Variants in TMEM233 observed in about 807,000 individuals in gnomAD.
TMEM233 encodes the protein dispanin subfamily B member 2.
In TMEM233, 6 loss-of-function variants were observed where a neutral mutation model predicts 11.2. That is an observed-to-expected ratio of 0.54 (90% CI 0.29 to 1.06). The LOEUF (loss-of-function observed/expected upper bound fraction) is 1.06, where lower values mean the gene tolerates loss of function less well. TMEM233 is among the 50% of genes least tolerant of loss of function. TMEM233 has a pLI of 0.08. For synonymous variants in TMEM233, 59 were observed against 55.8 expected, an observed-to-expected ratio of 1.06 and a Z score of -0.26; for missense variants, 127 against 144.7, an observed-to-expected ratio of 0.88 and a Z score of 0.63.
chr12:119,601,693 T>C (rs1368409401), intron 1 of TMEM233, among the ~76,000 whole-genome samples: 3 of 151,506 alleles, frequency 2.0e-5, no homozygotes, highest in Non-Finnish European at 2.9e-5. Flanking sequence ...AAAAGATGAC[T>C]TCAAAAATCC....
chr12:119,635,620 C>T (rs1169775576), intron 2 of TMEM233, among the ~76,000 whole-genome samples: 2 of 152,194 alleles, frequency 1.3e-5, no homozygotes, highest in Admixed American at 1.3e-4. Context: ...ATGACACCAT[C>T]TACTGGGAGT....
At chr12:119,627,081 A>C (rs1299397750) in intron 1 of TMEM233, among the ~76,000 whole-genome samples, 4 of 152,220 alleles carry the variant, frequency 2.6e-5, no homozygotes, top group Non-Finnish European at 4.4e-5. Flanking sequence ...CAAGCTTCAG[A>C]GTAGCTGCTA....
chr12:119,623,316 CTG>C (rs1280413547), intron 1 of TMEM233, among the ~76,000 whole-genome samples: 1 of 152,160 alleles, frequency 6.6e-6, no homozygotes, highest in Non-Finnish European at 1.5e-5. Flanking sequence ...CATCTCAGAA[CTG>C]TGTTTTCCAA....
intron 1 of TMEM233, among the ~76,000 whole-genome samples, chr12:119,615,263 A>T (rs1238403629): frequency 2.1e-5 from 3 of 142,980 alleles, no homozygotes; most frequent in African/African-American, 7.8e-5. Context: ...CATCTTATTT[A>T]TTTGCATGTT....
intron 1 of TMEM233, among the ~76,000 whole-genome samples, chr12:119,603,520 T>A (rs1954208641): frequency 6.6e-6 from 1 of 152,222 alleles, no homozygotes; most frequent in Non-Finnish European, 1.5e-5. Flanking sequence ...CAGGTAGGAC[T>A]CACATCCTAG....
intron 2 of TMEM233, among the ~76,000 whole-genome samples, chr12:119,633,401 C>A (rs538626883): frequency 1.2e-4 from 18 of 151,912 alleles, no homozygotes; most frequent in Non-Finnish European, 2.2e-4. Flanking sequence ...GGCAACATAG[C>A]TAGACCCCAT....
the TMEM233 span, among the ~76,000 whole-genome samples, chr12:119,650,339 G>T: frequency 1.3e-5 from 2 of 152,150 alleles, no homozygotes; most frequent in African/African-American, 4.8e-5. Context: ...TAAATAATTT[G>T]TCTGAGGCAC....
chr12:119,649,425 G>A, the TMEM233 span, among the ~76,000 whole-genome samples: 2 of 152,262 alleles, frequency 1.3e-5, no homozygotes, highest in South Asian at 2.1e-4. Flanking sequence ...AATGGAGAAA[G>A]ACAATTTAGA....
intron 1 of TMEM233, among the ~76,000 whole-genome samples, chr12:119,624,487 T>A (rs1345459175): frequency 6.6e-6 from 1 of 152,136 alleles, no homozygotes; most frequent in East Asian, 1.9e-4. Context: ...TACAATGGAG[T>A]ATTGTTCATC....
At chr12:119,613,720 C>G (rs1954460517) in intron 1 of TMEM233, among the ~76,000 whole-genome samples, 1 of 152,120 alleles carries the variant, frequency 6.6e-6, no homozygotes, top group African/African-American at 2.4e-5. Flanking sequence ...GAGGCTGAGG[C>G]TGGAGAATTG....
At chr12:119,620,913 C>T (rs1954627839) in intron 1 of TMEM233, among the ~76,000 whole-genome samples, 1 of 152,212 alleles carries the variant, frequency 6.6e-6, no homozygotes, top group African/African-American at 2.4e-5. Context: ...CAGGGTCTTG[C>T]TCTGTCACCC....
intron 1 of TMEM233, among the ~76,000 whole-genome samples, chr12:119,621,044 CTTTTT>C (rs3078447): frequency 8.3e-6 from 1 of 120,468 alleles, no homozygotes; most frequent in Non-Finnish European, 1.7e-5. Context: ...CCATACCTGG[CTTTTT>C]TTTTTTTTTT....
At chr12:119,631,980 A>G (rs1954895596) in intron 2 of TMEM233, among the ~76,000 whole-genome samples, 1 of 152,246 alleles carries the variant, frequency 6.6e-6, no homozygotes, top group South Asian at 2.1e-4. Context: ...TCAAGATGCC[A>G]TTAAATAGAA....
At chr12:119,652,631 G>C in the TMEM233 span, among the ~76,000 whole-genome samples, 7 of 152,122 alleles carry the variant, frequency 4.6e-5, no homozygotes, top group African/African-American at 7.2e-5. Context: ...AATTTGATGA[G>C]AGAAATCCCA....
At chr12:119,612,004 T>C (rs1051097404) in intron 1 of TMEM233, among the ~76,000 whole-genome samples, 2 of 151,992 alleles carry the variant, frequency 1.3e-5, no homozygotes, top group African/African-American at 4.8e-5. Context: ...ATTCTTTTTT[T>C]TTTTTCTGAG....
chr12:119,646,758 C>T (rs1318702646), downstream of TMEM233, among the ~76,000 whole-genome samples: 1 of 152,218 alleles, frequency 6.6e-6, no homozygotes, highest in Non-Finnish European at 1.5e-5. Flanking sequence ...TACTTTGGGT[C>T]CACCTGGATG....
chr12:119,645,789 G>C (rs1252676394), downstream of TMEM233, among the ~76,000 whole-genome samples: 1 of 152,092 alleles, frequency 6.6e-6, no homozygotes, highest in Non-Finnish European at 1.5e-5. Context: ...CACCCACACT[G>C]GTTCACTGAT....
At chr12:119,607,604 T>C (rs1389079072) in intron 1 of TMEM233, among the ~76,000 whole-genome samples, 1 of 48,174 alleles carries the variant, frequency 2.1e-5, no homozygotes, top group Non-Finnish European at 4.5e-5. Flanking sequence ...TTAGATGCAA[T>C]TTTTTTTTTT....
chr12:119,650,293 C>A, the TMEM233 span, among the ~76,000 whole-genome samples: 2 of 152,162 alleles, frequency 1.3e-5, no homozygotes, highest in Non-Finnish European at 2.9e-5. Context: ...CCATTAACTT[C>A]TCTTTGCATC....
Sources: gnomAD v4.1 joint callset for allele counts (sites outside exome capture counted in the v4.1 genomes callset) on GRCh38, gnomAD v4.1.1 for gene constraint, MANE v1.5 for transcripts, NCBI Gene and HGNC (gene_info 2026-07-23, HGNC 2026-07-21) for gene names.